The following SLC25A48 variants were observed in gnomAD, a reference collection of about 807,000 sequenced individuals.
The protein encoded by SLC25A48 is solute carrier family 25 member 48, also known as CTC-321K16.1.
Under a neutral mutation model 32.2 loss-of-function variants are expected in SLC25A48, and 29 were observed. That is an observed-to-expected ratio of 0.90 (90% CI 0.67 to 1.23). The LOEUF (loss-of-function observed/expected upper bound fraction) is 1.23, where lower values mean the gene tolerates loss of function less well. Ranked by LOEUF, SLC25A48 falls within the 50% of genes most tolerant of loss-of-function variation. The pLI is 0.00. For missense variants in SLC25A48, 399 were observed against 422.7 expected (o/e 0.94, Z 0.49); for synonymous variants, 164 against 172.3 (o/e 0.95, Z 0.38).
At chr5:135,774,342 T>C (rs566269722) in intron 3 of SLC25A48, among the ~76,000 whole-genome samples, 100 of 151,800 alleles carry the variant, frequency 6.6e-4, no homozygotes, top group South Asian at 1.2e-3. Flanking sequence ...TTACTCCCAA[T>C]ATGTCGGGTG....
intron 3 of SLC25A48, among the ~76,000 whole-genome samples, chr5:135,710,090 A>C (rs941782892): frequency 6.6e-6 from 1 of 152,226 alleles, no homozygotes; most frequent in Non-Finnish European, 1.5e-5. Flanking sequence ...TGGCTCTGGC[A>C]CACCAACAGG....
In SLC25A48 at chr5:135,879,785, C is replaced by A. The variant is rs142723247; in HGVS notation, c.814-183C>A. Among the ~76,000 whole-genome samples, 20 of 152,300 alleles carry A rather than the reference C, an allele frequency of 1.3e-4. No individual in the cohort carries two copies. In the East Asian group the frequency reaches 2.3e-3, roughly 18 times the overall value. On this transcript the variant is annotated intron_variant, in intron 6 of 7. Transcript: ENST00000681962. The stretch of plus-strand genomic sequence containing the variant: ...GGAGGAAAAGCACCACCAGGCATGA[C>A]GCGGGTCAGGGCAGGGCATGACTGG...
chr5:135,627,927 C>T (rs1752474628), intron 1 of SLC25A48, among the ~76,000 whole-genome samples: 1 of 152,120 alleles, frequency 6.6e-6, no homozygotes, highest in African/African-American at 2.4e-5. Flanking sequence ...GGGGTGGGGA[C>T]TGGGGCCTGA....
At chr5:135,680,942 T>C (rs1753881833) in intron 3 of SLC25A48, among the ~76,000 whole-genome samples, 1 of 152,240 alleles carries the variant, frequency 6.6e-6, no homozygotes, top group Admixed American at 6.5e-5. Context: ...TTCCCTATAG[T>C]TTTTCTCTCT....
At chr5:135,641,513 A>AG (rs397703927) in intron 3 of SLC25A48, among the ~76,000 whole-genome samples, 1 of 170 alleles carries the variant, frequency 5.9e-3, no homozygotes, top group Non-Finnish European at 0.012. Flanking sequence ...GAAGAACAAC[A>AG]TAGGCTCCCA....
intron 4 of SLC25A48, among the ~76,000 whole-genome samples, chr5:135,859,640 T>C (rs1431625693): frequency 6.6e-6 from 1 of 152,088 alleles, no homozygotes; most frequent in Non-Finnish European, 1.5e-5. Context: ...TGGGAAGGGA[T>C]GGAGATGGCT....
chr5:135,882,163 G>C (rs1351621718), intron 7 of SLC25A48, among the ~76,000 whole-genome samples: 1 of 152,248 alleles, frequency 6.6e-6, no homozygotes, highest in Non-Finnish European at 1.5e-5. Flanking sequence ...CCCTTAGGAG[G>C]GAGGACTGCT....
At chr5:135,643,588 C>T (rs1752889417) in intron 3 of SLC25A48, among the ~76,000 whole-genome samples, 1 of 152,210 alleles carries the variant, frequency 6.6e-6, no homozygotes, top group Non-Finnish European at 1.5e-5. Flanking sequence ...TCAGGACAGA[C>T]ACCATCTCAG....
chr5:135,775,520 C>T (rs1756531726), intron 3 of SLC25A48, among the ~76,000 whole-genome samples: 1 of 151,562 alleles, frequency 6.6e-6, no homozygotes, highest in Admixed American at 6.6e-5. Flanking sequence ...GATAAAATTA[C>T]TCCAAATATC....
At chr5:135,643,223 C>T (rs1016856753) in intron 3 of SLC25A48, among the ~76,000 whole-genome samples, 4 of 152,172 alleles carry the variant, frequency 2.6e-5, no homozygotes, top group South Asian at 2.1e-4. Context: ...TGCTTCCTGA[C>T]GGGCGGTGGG....
At chr5:135,805,547 A>G (rs1465087041) in intron 3 of SLC25A48, among the ~76,000 whole-genome samples, 3 of 151,674 alleles carry the variant, frequency 2.0e-5, no homozygotes, top group Non-Finnish European at 4.4e-5. Context: ...ACCCTGTGAT[A>G]TTAGTTATAA....
At chr5:135,753,243 G>A (rs1337220324) in intron 3 of SLC25A48, among the ~76,000 whole-genome samples, 1 of 151,774 alleles carries the variant, frequency 6.6e-6, no homozygotes, top group Non-Finnish European at 1.5e-5. Flanking sequence ...AATGTCTTGA[G>A]GGTATATTAT....
At chr5:135,626,883 G>A (rs141734048) in intron 1 of SLC25A48, among the ~76,000 whole-genome samples, 14 of 152,184 alleles carry the variant, frequency 9.2e-5, no homozygotes, top group Admixed American at 8.5e-4. Context: ...CAGACCTTCC[G>A]ATGCTCCTTG....
intron 3 of SLC25A48, among the ~76,000 whole-genome samples, chr5:135,720,658 G>A (rs145084056): frequency 2.6e-5 from 4 of 152,196 alleles, no homozygotes; most frequent in East Asian, 1.9e-4. Flanking sequence ...CTGCAAAATC[G>A]TGGTGGATCC....
chr5:135,869,881 G>A (rs1761499911), intron 4 of SLC25A48, among the ~76,000 whole-genome samples: 1 of 152,166 alleles, frequency 6.6e-6, no homozygotes, highest in Non-Finnish European at 1.5e-5. Context: ...ACTGAAGTTG[G>A]CCTAATGGAT....
At chr5:135,883,650 G>A (rs911370555) in intron 7 of SLC25A48, among the ~76,000 whole-genome samples, 9 of 152,180 alleles carry the variant, frequency 5.9e-5, no homozygotes, top group East Asian at 1.9e-4. Context: ...AGCAGAGGGC[G>A]TAGTGGTTGA....
intron 3 of SLC25A48, among the ~76,000 whole-genome samples, chr5:135,723,394 ACACACACACAC>A (rs1755015243): frequency 1.0e-4 from 15 of 150,540 alleles, no homozygotes; most frequent in Non-Finnish European, 1.3e-4. Flanking sequence ...ACACACACAC[ACACACACACAC>A]ACACACACAA....
At chr5:135,724,727 C>G (rs887969721) in intron 3 of SLC25A48, among the ~76,000 whole-genome samples, 1 of 152,150 alleles carries the variant, frequency 6.6e-6, no homozygotes, top group Non-Finnish European at 1.5e-5. Context: ...GTTCTGTTCT[C>G]CTCGTTGGGA....
At chr5:135,737,158 T>C (rs1755383478) in intron 3 of SLC25A48, among the ~76,000 whole-genome samples, 1 of 152,146 alleles carries the variant, frequency 6.6e-6, no homozygotes, top group Non-Finnish European at 1.5e-5. Flanking sequence ...TTATTTCACC[T>C]TGGTGCAGGC....
Sources: gnomAD v4.1 joint callset for allele counts (sites outside exome capture counted in the v4.1 genomes callset) on GRCh38, gnomAD v4.1.1 for gene constraint, MANE v1.5 for transcripts, NCBI Gene and HGNC (gene_info 2026-07-23, HGNC 2026-07-21) for gene names.